Variants in DCUN1D4 observed in about 807,000 individuals in gnomAD.
DCUN1D4 encodes DCN1-like protein 4.
Under a neutral mutation model 47.9 loss-of-function variants are expected in DCUN1D4, and 22 were observed. That is an observed-to-expected ratio of 0.46 (90% CI 0.33 to 0.66). DCUN1D4 has a LOEUF of 0.66. DCUN1D4 is among the 30% of genes least tolerant of loss of function. DCUN1D4 has a pLI of 0.02. For synonymous variants in DCUN1D4, 121 were observed against 112.2 expected, an observed-to-expected ratio of 1.08 and a Z score of -0.50; for missense variants, 301 against 340.8, an observed-to-expected ratio of 0.88 and a Z score of 0.92.
chr4:51,868,447 G>A (rs1056037026), intron 3 of DCUN1D4, among the ~76,000 whole-genome samples: 1 of 152,218 alleles, frequency 6.6e-6, no homozygotes, highest in African/African-American at 2.4e-5. Context: ...CCCAGTCAAT[G>A]TCAGTTAGTG....
chr4:51,872,307 G>T (rs1320400600), intron 3 of DCUN1D4, among the ~76,000 whole-genome samples: 1 of 152,212 alleles, frequency 6.6e-6, no homozygotes, highest in East Asian at 1.9e-4. Context: ...TCTTAGCAGG[G>T]TTGTGAATGT....
chr4:51,899,281 C>T lies in DCUN1D4; in HGVS notation c.518C>T (p.Thr173Ile), dbSNP rs772671440. Residue 173 changes from threonine to isoleucine, a missense_variant, in exon 8 of 11, where the codon ACA (threonine) becomes ATA (isoleucine). Coordinates refer to ENST00000334635, the MANE Select transcript of DCUN1D4 (RefSeq NM_001040402.3). ...TTCTGTTTTTCTAGATGTGATACAA[C>T]AGAAAAACTCAGAAATACTTTGGAT... ...KGMTSLQCDT[T>I]EKLRNTLDYL... 3 of 1,601,402 alleles carry T rather than the reference C, an allele frequency of 1.9e-6. No individual in the cohort carries two copies. The highest frequency in any genetic ancestry group is 2.7e-5 in the African/African-American group (2 of 74,042).
chr4:51,875,822 G>T (rs1048789030), intron 4 of DCUN1D4, among the ~76,000 whole-genome samples: 1 of 152,108 alleles, frequency 6.6e-6, no homozygotes. Flanking sequence ...ATGGTATTCC[G>T]TTGTATGCTC....
the DCUN1D4 span, among the ~76,000 whole-genome samples, chr4:51,835,282 C>T: frequency 6.6e-6 from 1 of 152,212 alleles, no homozygotes; most frequent in African/African-American, 2.4e-5. Flanking sequence ...GTTACTTTAC[C>T]TCTCTGTGCT....
chr4:51,900,197 T>C (rs1270097955), intron 8 of DCUN1D4, among the ~76,000 whole-genome samples: 1 of 152,184 alleles, frequency 6.6e-6, no homozygotes, highest in Non-Finnish European at 1.5e-5. Flanking sequence ...ACCACCATAT[T>C]GATTTTTTTC....
At chr4:51,878,518 C>T (rs554811593) in intron 5 of DCUN1D4, among the ~76,000 whole-genome samples, 1 of 152,164 alleles carries the variant, frequency 6.6e-6, no homozygotes, top group African/African-American at 2.4e-5. Context: ...ACCAATTTTC[C>T]TGTCATCTCC....
At chr4:51,874,489 G>A in intron 4 of DCUN1D4, 104 bp downstream of exon 4, 1 of 670,236 alleles carries the variant, frequency 1.5e-6, no homozygotes, top group Non-Finnish European at 2.4e-6. Context: ...ATGCCAAGTG[G>A]AATGGGCTTT....
intron 6 of DCUN1D4, among the ~76,000 whole-genome samples, chr4:51,888,950 A>C (rs935236171): frequency 1.4e-4 from 22 of 151,920 alleles, no homozygotes; most frequent in Admixed American, 1.3e-4. Flanking sequence ...TCTTTAATAA[A>C]ATACCAAAAT....
rs914609513 is a variant in DCUN1D4, at chr4:51,843,396, C to G, written c.25+129C>G. ...CGGGAGCCCCTGCCTGGGAACCACC[C>G]CTTCCCCTCCCGGGGCCGGGGCGGG... On this transcript the variant is annotated intron_variant, in intron 1 of 10. Transcript: ENST00000334635. 2.0e-5 allele frequency: 26 copies of G among 1,300,478 alleles called. No individual in the cohort carries two copies. In the African/African-American group the frequency reaches 3.3e-4, roughly 16 times the overall value. 80.6% of individuals were successfully genotyped at this position (1,300,478 alleles called of 1,614,324 possible).
intron 1 of DCUN1D4, among the ~76,000 whole-genome samples, chr4:51,861,616 G>GC (rs1725058095): frequency 6.6e-6 from 1 of 152,176 alleles, no homozygotes; most frequent in African/African-American, 2.4e-5. Flanking sequence ...CTTTTGGCAA[G>GC]CCCCTTTTTC....
chr4:51,867,899 C>T (rs527277134), intron 3 of DCUN1D4, among the ~76,000 whole-genome samples: 1 of 152,238 alleles, frequency 6.6e-6, no homozygotes, highest in Non-Finnish European at 1.5e-5. Context: ...CCACGGCGCT[C>T]AGGTTGTTCG....
intron 3 of DCUN1D4, among the ~76,000 whole-genome samples, chr4:51,872,154 C>A (rs1442567809): frequency 1.3e-5 from 2 of 152,122 alleles, no homozygotes; most frequent in Non-Finnish European, 2.9e-5. Flanking sequence ...TGGGAAGGAC[C>A]CTCATCTGGG....
At chr4:51,871,306 G>T (rs1430792453) in intron 3 of DCUN1D4, among the ~76,000 whole-genome samples, 6 of 152,124 alleles carry the variant, frequency 3.9e-5, no homozygotes. Flanking sequence ...AAACATAAGA[G>T]AAAGCTGAAA....
At chr4:51,910,158 A>C (rs1452355882) in intron 8 of DCUN1D4, among the ~76,000 whole-genome samples, 1 of 152,188 alleles carries the variant, frequency 6.6e-6, no homozygotes, top group African/African-American at 2.4e-5. Context: ...TTAAGATAAC[A>C]CATGGAGGCT....
upstream of DCUN1D4, chr4:51,843,029 C>T (rs1721840760): frequency 1.5e-6 from 2 of 1,360,444 alleles, no homozygotes; most frequent in Admixed American, 3.5e-5. Flanking sequence ...TTGCCAGCTC[C>T]AGACCGGCGC....
upstream of DCUN1D4, chr4:51,843,101 C>G: frequency 6.9e-7 from 1 of 1,447,834 alleles, no homozygotes; most frequent in Non-Finnish European, 9.1e-7. Context: ...CGCGGTTTAG[C>G]CAATGGAGAA....
At chr4:51,911,997 T>C (rs17473626) in intron 9 of DCUN1D4, among the ~76,000 whole-genome samples, 4,803 of 152,268 alleles carry the variant, frequency 0.032, 107 homozygotes, top group Middle Eastern at 0.071. Context: ...CAACTTACTT[T>C]ATGTAATGGT....
rs575446905 is a variant in DCUN1D4 at position 51,844,850 on chromosome 4, C to T, written c.25+1583C>T. 7.1e-6 allele frequency: 7 copies of T among 985,276 alleles called. No homozygotes were observed. The African/African-American group carries it at 8.7e-5, about 12-fold the overall frequency. 61.0% of individuals were successfully genotyped at this position (985,276 alleles called of 1,614,324 possible). A position where few individuals can be genotyped will look rare whatever the true frequency, so the allele number is the denominator to read the frequency against. ...CGTGGGTAACTGTGGAAACGGGTCCCGGCATGCAGCGCGCCCTTGGAGCCT... is the reference window on the plus strand; with the variant it reads ...CGTGGGTAACTGTGGAAACGGGTCCTGGCATGCAGCGCGCCCTTGGAGCCT... On this transcript the variant is annotated intron_variant, in intron 1 of 10. Transcript: ENST00000334635.
intron 6 of DCUN1D4, 194 bp downstream of exon 6, chr4:51,886,832 A>G (rs1729550727): frequency 1.8e-6 from 1 of 561,918 alleles, no homozygotes; most frequent in African/African-American, 1.9e-5. Context: ...TGGTGTAACT[A>G]CAGTTATTTT....
Sources: allele counts gnomAD v4.1 joint callset (sites outside exome capture counted in the v4.1 genomes callset), GRCh38; gene constraint gnomAD v4.1.1; transcripts MANE v1.5; gene names NCBI Gene and HGNC (gene_info 2026-07-23, HGNC 2026-07-21).